Variants in UBTD2 observed in about 807,000 individuals in gnomAD.
UBTD2 encodes the protein ubiquitin domain containing 2.
A neutral mutation model predicts 19.8 loss-of-function variants in UBTD2; 9 were observed. The ratio of observed to expected loss-of-function variants is 0.46; its 90% CI spans 0.27 to 0.79. UBTD2 has a LOEUF of 0.79. UBTD2 is among the 30% of genes least tolerant of loss of function. The pLI is 0.14. For synonymous variants in UBTD2, 98 were observed against 103.9 expected (o/e 0.94, Z 0.35); for missense variants, 250 against 300.4 (o/e 0.83, Z 1.24).
intron 2 of UBTD2, among the ~76,000 whole-genome samples, chr5:172,224,734 T>C (rs1193762011): frequency 6.6e-6 from 1 of 152,214 alleles, no homozygotes; most frequent in Non-Finnish European, 1.5e-5. Flanking sequence ...CTCAGCCCTG[T>C]GGAACTGTGA....
chr5:172,244,854 G>A (rs573466305), intron 1 of UBTD2, among the ~76,000 whole-genome samples: 3 of 151,576 alleles, frequency 2.0e-5, no homozygotes, highest in Middle Eastern at 3.4e-3. Context: ...TCAGCCTCCC[G>A]AGTAGCTGAG....
chr5:172,218,781 A>AT (rs1561849212), intron 2 of UBTD2, among the ~76,000 whole-genome samples: 2 of 68,058 alleles, frequency 2.9e-5, no homozygotes, highest in East Asian at 4.8e-4. Flanking sequence ...TCACCAAAAA[A>AT]AAAAAAAATA....
intron 1 of UBTD2, among the ~76,000 whole-genome samples, chr5:172,259,066 G>C (rs1755215063): frequency 6.6e-6 from 1 of 152,144 alleles, no homozygotes; most frequent in Admixed American, 6.5e-5. Flanking sequence ...CATTCAGTAT[G>C]ATGTTGCTGT....
intron 1 of UBTD2, among the ~76,000 whole-genome samples, chr5:172,267,567 AAT>A (rs1267522301): frequency 9.2e-5 from 14 of 152,336 alleles, no homozygotes; most frequent in Non-Finnish European, 1.8e-4. Flanking sequence ...ACTCGGAGAA[AAT>A]ATAACTTAAG....
intron 1 of UBTD2, among the ~76,000 whole-genome samples, chr5:172,273,607 AAAAAAAAAAAAAG>A (rs372177719): frequency 0.27 from 37,197 of 135,404 alleles, 5,103 homozygotes; most frequent in South Asian, 0.4. Context: ...AAAAAAAAAA[AAAAAAAAAAAAAG>A]GCTTTCCAAC....
intron 1 of UBTD2, among the ~76,000 whole-genome samples, chr5:172,265,543 A>G (rs1048384238): frequency 6.6e-6 from 1 of 152,118 alleles, no homozygotes; most frequent in African/African-American, 2.4e-5. Flanking sequence ...GTTAGCCAGG[A>G]TGGTCTCGAT....
chr5:172,264,818 G>A (rs1438747571), intron 1 of UBTD2, among the ~76,000 whole-genome samples: 1 of 152,134 alleles, frequency 6.6e-6, no homozygotes, highest in Non-Finnish European at 1.5e-5. Flanking sequence ...CAAGGCTGCA[G>A]TGAGCTGTGG....
chr5:172,255,700 C>T (rs181031461), intron 1 of UBTD2, among the ~76,000 whole-genome samples: 198 of 152,272 alleles, frequency 1.3e-3, no homozygotes, highest in Admixed American at 3.6e-3. Context: ...ATGATGCCGG[C>T]GCCGCTCGCT....
intron 1 of UBTD2, among the ~76,000 whole-genome samples, chr5:172,269,995 T>G (rs1349594840): frequency 6.6e-6 from 1 of 151,608 alleles, no homozygotes; most frequent in Non-Finnish European, 1.5e-5. Flanking sequence ...GAGAATTGCT[T>G]GAACCCAGGA....
intron 2 of UBTD2, among the ~76,000 whole-genome samples, chr5:172,227,021 A>C (rs1771780266): frequency 6.6e-6 from 1 of 152,212 alleles, no homozygotes; most frequent in Non-Finnish European, 1.5e-5. Context: ...TTTAATTTTC[A>C]GTGCTCTAAA....
At chr5:172,267,219 A>G (rs543500281) in intron 1 of UBTD2, among the ~76,000 whole-genome samples, 3 of 152,316 alleles carry the variant, frequency 2.0e-5, no homozygotes, top group African/African-American at 7.2e-5. Context: ...AAAGTTCCAC[A>G]AATGTTAAGT....
rs147787167 is a variant in UBTD2 at position 172,236,798 on chromosome 5, T to C, written c.71-2440A>G. On this transcript the variant is annotated intron_variant, in intron 1 of 2. Transcript: ENST00000393792. The stretch of plus-strand genomic sequence containing the variant: ...ATTTTTCCTGTCATTCTGAGAGAAT[T>C]ACAAAGCATGGACAAAAACAACAAA... 1.4e-3 allele frequency among the ~76,000 whole-genome samples: 213 copies of C among 152,308 alleles called. 2 individuals are homozygous for C. Among genetic ancestry groups the C allele is most frequent in the Non-Finnish European group, 1.2e-3 (82 of 68,032 alleles).
chr5:172,270,952 T>TG lies in UBTD2; in HGVS notation c.70+12643dup, dbSNP rs1188320659. On this transcript the variant is annotated intron_variant, in intron 1 of 2. Transcript: ENST00000393792. Reference sequence around the variant, plus strand: ...ATAGTCTCACAACTTGGTCTACTTATGGCAATCCTGTCTTCCCAAATCTAA... The same window carrying TG: ...ATAGTCTCACAACTTGGTCTACTTATGGGCAATCCTGTCTTCCCAAATCTAA... Among the ~76,000 whole-genome samples the TG allele has an allele frequency of 3.3e-5, 5 of 152,318 alleles. No homozygotes were observed. The East Asian group carries it at 7.7e-4, about 23-fold the overall frequency.
At position 172,283,580 on chromosome 5, in the gene UBTD2, C is replaced by A; in HGVS notation, c.70+16G>T. On this transcript the variant is annotated intron_variant, in intron 1 of 2. Coordinates refer to ENST00000393792, the MANE Select transcript of UBTD2 (RefSeq NM_152277.3). The surrounding 1 kb of genome is among the most constrained non-coding windows in gnomAD (Gnocchi z 4.3). ...GAACAATGGGGGGCCGAGGCTGCCCCCTGGCGCTCACCTACCTCCGGTGCC... is the reference window on the plus strand; with the variant it reads ...GAACAATGGGGGGCCGAGGCTGCCCACTGGCGCTCACCTACCTCCGGTGCC... 7.7e-7 allele frequency: 1 copy of A among 1,300,654 alleles called. No individual in the cohort carries two copies. Among genetic ancestry groups the A allele is most frequent in the Non-Finnish European group, 9.8e-7 (1 of 1,017,306 alleles). The allele number at this position is 1,300,654 out of a possible 1,614,324, so 80.6% of individuals were successfully genotyped here.
rs1771400609 is a variant in UBTD2 at position 172,209,728 on chromosome 5, C to G, written c.*2102G>C. On this transcript the variant is annotated 3_prime_UTR_variant, in exon 3 of 3. Transcript: ENST00000393792. Reference sequence around the variant, plus strand: ...TATACACATCAAGTACTGGTCCAATCTTATATCAATCTATTTACAATTAAA... The same window carrying G: ...TATACACATCAAGTACTGGTCCAATGTTATATCAATCTATTTACAATTAAA... 1 of 151,568 alleles carries G rather than the reference C, an allele frequency of 6.6e-6. No individual in the cohort carries two copies. 9.4% of individuals were successfully genotyped at this position (151,568 alleles called of 1,614,324 possible).
At chr5:172,251,587 C>G (rs1167477133) in intron 1 of UBTD2, among the ~76,000 whole-genome samples, 1 of 149,866 alleles carries the variant, frequency 6.7e-6, no homozygotes, top group Non-Finnish European at 1.5e-5. Context: ...CAGCAGAAAC[C>G]TTCACACCCA....
rs1485606830 is a variant in UBTD2 at position 172,210,722 on chromosome 5, C to T, written c.*1108G>A. 1 of 152,106 alleles carries T rather than the reference C, an allele frequency of 6.6e-6. No individual in the cohort carries two copies. Among genetic ancestry groups the T allele is most frequent in the Non-Finnish European group, 1.5e-5 (1 of 68,022 alleles). 9.4% of individuals were successfully genotyped at this position (152,106 alleles called of 1,614,324 possible). A position where few individuals can be genotyped will look rare whatever the true frequency, so the allele number is the denominator to read the frequency against. On this transcript the variant is annotated 3_prime_UTR_variant, in exon 3 of 3. Coordinates refer to ENST00000393792, the MANE Select transcript of UBTD2 (RefSeq NM_152277.3). ...TCTCACTGCTAATGTTTATGTGACA[C>T]CAGTAAATCTTTCACACTTAAAAAT... is the stretch of plus-strand genomic sequence containing the variant.
intron 1 of UBTD2, among the ~76,000 whole-genome samples, chr5:172,265,134 A>G (rs1413415372): frequency 1.3e-5 from 2 of 152,234 alleles, no homozygotes; most frequent in Non-Finnish European, 2.9e-5. Context: ...GGATGACAGA[A>G]TAAAATACAC....
intron 1 of UBTD2, among the ~76,000 whole-genome samples, chr5:172,248,955 G>T (rs576877027): frequency 1.3e-5 from 2 of 151,496 alleles, no homozygotes; most frequent in South Asian, 2.1e-4. Flanking sequence ...AAGAAAATTA[G>T]AGCAGAGATA....
Sources: allele counts gnomAD v4.1 joint callset (sites outside exome capture counted in the v4.1 genomes callset), GRCh38; gene constraint gnomAD v4.1.1; non-coding constraint Gnocchi (gnomAD v3.1); transcripts MANE v1.5; gene names NCBI Gene and HGNC (gene_info 2026-07-23, HGNC 2026-07-21).